TUSC3: variants seen among roughly 807,000 people sequenced by gnomAD.
TUSC3 encodes the protein tumor suppressor candidate 3, also known as dolichyl-diphosphooligosaccharide--protein glycosyltransferase subunit TUSC3.
In TUSC3, 45 loss-of-function variants were observed where a neutral mutation model predicts 44.8. The ratio of observed to expected loss-of-function variants is 1.00; its 90% CI spans 0.79 to 1.29. The LOEUF is 1.29. Ranked by LOEUF, TUSC3 falls within the 50% of genes most tolerant of loss-of-function variation. The pLI, the probability that TUSC3 is intolerant of heterozygous loss-of-function variation, is 0.00. For synonymous variants in TUSC3, 212 were observed against 152.9 expected (o/e 1.39, Z -2.85); for missense variants, 519 against 437.9 (o/e 1.19, Z -1.65).
chr8:15,805,161 T>A, the TUSC3 span, among the ~76,000 whole-genome samples: 9 of 152,204 alleles, frequency 5.9e-5, no homozygotes, highest in Non-Finnish European at 1.2e-4. Context: ...GAAATGCTAC[T>A]GATTTTCGTA....
chr8:15,791,882 C>T, the TUSC3 span, among the ~76,000 whole-genome samples: 8 of 152,164 alleles, frequency 5.3e-5, no homozygotes, highest in Non-Finnish European at 8.8e-5. Context: ...TCTCTCAGGT[C>T]ATCCAAGAGG....
chr8:15,749,459 C>A (rs959868618), intron 9 of TUSC3, among the ~76,000 whole-genome samples: 1 of 151,980 alleles, frequency 6.6e-6, no homozygotes, highest in Non-Finnish European at 1.5e-5. Context: ...CATATGTGGC[C>A]AGAGGTACAT....
At chr8:15,426,334 G>A (rs981016043) in intron 1 of TUSC3, among the ~76,000 whole-genome samples, 3 of 152,194 alleles carry the variant, frequency 2.0e-5, no homozygotes, top group Non-Finnish European at 4.4e-5. Flanking sequence ...CACTACGTTA[G>A]ACAGCTGATT....
At chr8:15,659,774 G>T in intron 4 of TUSC3, 127 bp downstream of exon 4, 2 of 1,212,214 alleles carry the variant, frequency 1.6e-6, no homozygotes, top group African/African-American at 3.0e-5. Flanking sequence ...AGAGAAAACT[G>T]TTCGATTACT....
At chr8:15,699,180 T>A (rs188559980) in intron 6 of TUSC3, among the ~76,000 whole-genome samples, 3 of 152,308 alleles carry the variant, frequency 2.0e-5, no homozygotes, top group South Asian at 4.1e-4. Context: ...AACAATTTTT[T>A]AAAAATACAC....
At chr8:15,632,703 T>TTG in intron 2 of TUSC3, among the ~76,000 whole-genome samples, 1 of 152,322 alleles carries the variant, frequency 6.6e-6, no homozygotes, top group Non-Finnish European at 1.5e-5. Context: ...CATTAATTAG[T>TTG]TGTCATTCTT....
intron 3 of TUSC3, among the ~76,000 whole-genome samples, chr8:15,651,260 TA>T (rs1806891817): frequency 6.6e-6 from 1 of 152,202 alleles, no homozygotes; most frequent in South Asian, 2.1e-4. Flanking sequence ...GTATTATAGA[TA>T]GTATTTTGCA....
At chr8:15,582,168 C>G (rs555592179) in intron 1 of TUSC3, among the ~76,000 whole-genome samples, 22 of 152,336 alleles carry the variant, frequency 1.4e-4, no homozygotes, top group African/African-American at 3.6e-4. Context: ...TGCTTCGGCT[C>G]GCGCATGGTG....
At chr8:15,589,321 ACT>A (rs1002052978) in intron 1 of TUSC3, among the ~76,000 whole-genome samples, 7 of 152,096 alleles carry the variant, frequency 4.6e-5, no homozygotes, top group African/African-American at 9.7e-5. Context: ...TTTGATTCAG[ACT>A]CTGCATCTTA....
intron 1 of TUSC3, among the ~76,000 whole-genome samples, chr8:15,450,610 C>T (rs1229375558): frequency 6.6e-6 from 1 of 152,086 alleles, no homozygotes; most frequent in South Asian, 2.1e-4. Flanking sequence ...GCAGAGGTTA[C>T]GGTGAGCCAA....
intron 1 of TUSC3, among the ~76,000 whole-genome samples, chr8:15,611,505 G>A (rs933953649): frequency 6.6e-6 from 1 of 152,120 alleles, no homozygotes; most frequent in Non-Finnish European, 1.5e-5. Flanking sequence ...GCTTTTGAAT[G>A]TAATGATAAT....
intron 1 of TUSC3, among the ~76,000 whole-genome samples, chr8:15,435,986 C>A (rs1213463804): frequency 6.6e-6 from 1 of 152,154 alleles, no homozygotes; most frequent in East Asian, 1.9e-4. Flanking sequence ...ATCTCTGATG[C>A]CATCACAGAC....
chr8:15,828,284 CG>C, the TUSC3 span, among the ~76,000 whole-genome samples: 1 of 152,098 alleles, frequency 6.6e-6, no homozygotes, highest in Non-Finnish European at 1.5e-5. Context: ...CATGAGCCAC[CG>C]CACCCAGCCA....
chr8:15,751,086 T>TC (rs1215002260), intron 9 of TUSC3, among the ~76,000 whole-genome samples: 1 of 152,118 alleles, frequency 6.6e-6, no homozygotes, highest in Admixed American at 6.5e-5. Context: ...CTCCATCATC[T>TC]CCTGTGCTAT....
At chr8:15,834,133 A>G in the TUSC3 span, among the ~76,000 whole-genome samples, 128 of 152,240 alleles carry the variant, frequency 8.4e-4, 1 homozygote, top group African/African-American at 3.0e-3. Flanking sequence ...ACGTTGTCTA[A>G]TTCCAGGTAA....
Position 15,569,456 on chromosome 8 carries a change from A to T in TUSC3, c.138+28888A>T, listed in dbSNP as rs573622536. On this transcript the variant is annotated intron_variant, in intron 1 of 10. Transcript: ENST00000503731. ...GAAACTATATACACACACAAAGTTT[A>T]TTTAACTTGCCTTGGAATATATGTG... Among the ~76,000 whole-genome samples the T allele has an allele frequency of 5.3e-5, 8 of 152,274 alleles. No homozygotes were observed. In the East Asian group the frequency reaches 1.3e-3, roughly 26 times the overall value.
chr8:15,699,247 A>G (rs1184244104), intron 6 of TUSC3, among the ~76,000 whole-genome samples: 1 of 97,974 alleles, frequency 1.0e-5, no homozygotes, highest in Admixed American at 1.2e-4. Context: ...ATTGTAATGT[A>G]TATTTTATTA....
the TUSC3 span, among the ~76,000 whole-genome samples, chr8:15,842,968 CATGA>C: frequency 6.6e-6 from 1 of 152,112 alleles, no homozygotes; most frequent in Non-Finnish European, 1.5e-5. Flanking sequence ...GCTCAATAAC[CATGA>C]ATGATTATTG....
At chr8:15,484,996 C>T (rs1219657169) in intron 2 of TUSC3, among the ~76,000 whole-genome samples, 2 of 152,078 alleles carry the variant, frequency 1.3e-5, no homozygotes, top group Non-Finnish European at 2.9e-5. Context: ...ATGGTGTGAG[C>T]ATCTTTTCTA....
Sources: allele counts gnomAD v4.1 joint callset (sites outside exome capture counted in the v4.1 genomes callset), GRCh38; gene constraint gnomAD v4.1.1; transcripts MANE v1.5; gene names NCBI Gene and HGNC (gene_info 2026-07-23, HGNC 2026-07-21).